PITPNC1: variants seen among roughly 807,000 people sequenced by gnomAD.
The protein encoded by PITPNC1 is phosphatidylinositol transfer protein cytoplasmic 1, also known as cytoplasmic phosphatidylinositol transfer protein 1.
PITPNC1 carries 18 observed loss-of-function variants against 44.7 expected under a neutral mutation model. That is an observed-to-expected ratio of 0.40 (90% CI 0.28 to 0.60). The LOEUF (loss-of-function observed/expected upper bound fraction) is 0.60, where lower values mean the gene tolerates loss of function less well. Ranked by LOEUF, PITPNC1 falls within the 20% of genes least tolerant of loss-of-function variation. The pLI is 0.39. For synonymous variants in PITPNC1, 141 were observed against 149.6 expected (o/e 0.94, Z 0.42); for missense variants, 290 against 418.4 (o/e 0.69, Z 2.68).
chr17:67,596,668 G>A (rs1056630866), intron 5 of PITPNC1, among the ~76,000 whole-genome samples: 2 of 152,104 alleles, frequency 1.3e-5, no homozygotes, highest in East Asian at 1.9e-4. Flanking sequence ...GAGCCACCAC[G>A]CCTGGCTTGA....
At chr17:67,531,370 C>G (rs191097490) in intron 1 of PITPNC1, among the ~76,000 whole-genome samples, 1 of 152,206 alleles carries the variant, frequency 6.6e-6, no homozygotes, top group African/African-American at 2.4e-5. Flanking sequence ...CATACGCTCA[C>G]GTTAAAAGCG....
At chr17:67,487,270 G>C (rs928984749) in intron 1 of PITPNC1, among the ~76,000 whole-genome samples, 2 of 152,006 alleles carry the variant, frequency 1.3e-5, no homozygotes, top group African/African-American at 4.8e-5. Flanking sequence ...TGCCTCCCAG[G>C]TTCAAGCAAT....
intron 1 of PITPNC1, among the ~76,000 whole-genome samples, chr17:67,388,855 G>A (rs969554033): frequency 6.6e-6 from 1 of 152,078 alleles, no homozygotes; most frequent in African/African-American, 2.4e-5. Flanking sequence ...CCTGACCTCC[G>A]GTGATCCACC....
chr17:67,626,142 C>T (rs147356171), intron 5 of PITPNC1, among the ~76,000 whole-genome samples: 7 of 151,996 alleles, frequency 4.6e-5, no homozygotes, highest in South Asian at 4.2e-4. Flanking sequence ...CACATCACCA[C>T]GCCCAACTAA....
chr17:67,492,770 T>C (rs1162383531), intron 1 of PITPNC1, among the ~76,000 whole-genome samples: 2 of 152,160 alleles, frequency 1.3e-5, no homozygotes, highest in African/African-American at 4.8e-5. Flanking sequence ...CGGTGCATCG[T>C]CTTCTGTGTC....
At chr17:67,506,032 T>G (rs549017398) in intron 1 of PITPNC1, among the ~76,000 whole-genome samples, 3 of 152,140 alleles carry the variant, frequency 2.0e-5, no homozygotes, top group African/African-American at 7.2e-5. Context: ...TTTCCTGCCC[T>G]CCTGGGCACT....
chr17:67,451,094 C>T (rs551402654), intron 1 of PITPNC1, among the ~76,000 whole-genome samples: 3 of 152,194 alleles, frequency 2.0e-5, no homozygotes, highest in East Asian at 3.9e-4. Context: ...TGCAGTGGCA[C>T]GATCTTGGCT....
intron 8 of PITPNC1, among the ~76,000 whole-genome samples, chr17:67,678,954 C>T (rs974008716): frequency 1.3e-5 from 2 of 152,238 alleles, no homozygotes; most frequent in Non-Finnish European, 2.9e-5. Context: ...GGACCTGCAA[C>T]GTCAGCATCC....
intron 1 of PITPNC1, among the ~76,000 whole-genome samples, chr17:67,403,546 C>T (rs1379834608): frequency 1.3e-5 from 2 of 152,268 alleles, no homozygotes; most frequent in East Asian, 1.9e-4. Flanking sequence ...GAAGGGAGAA[C>T]ACAGAGGGCC....
At chr17:67,560,664 G>T (rs182777766) in intron 4 of PITPNC1, among the ~76,000 whole-genome samples, 2 of 152,190 alleles carry the variant, frequency 1.3e-5, no homozygotes, top group Admixed American at 1.3e-4. Context: ...TTAGTGCCTG[G>T]TGAAGCAGGA....
chr17:67,579,796 C>T (rs1023895899), intron 5 of PITPNC1, among the ~76,000 whole-genome samples: 6 of 151,630 alleles, frequency 4.0e-5, no homozygotes, highest in African/African-American at 1.2e-4. Flanking sequence ...AAAAATTAGC[C>T]GGGCGTGGTG....
intron 4 of PITPNC1, among the ~76,000 whole-genome samples, chr17:67,556,560 GC>G (rs2040840651): frequency 1.3e-5 from 2 of 152,160 alleles, no homozygotes; most frequent in South Asian, 4.1e-4. Flanking sequence ...ACACTGATGG[GC>G]CAAGGGAAGG....
chr17:67,487,633 T>C (rs1165667038), intron 1 of PITPNC1, among the ~76,000 whole-genome samples: 2 of 152,222 alleles, frequency 1.3e-5, no homozygotes, highest in African/African-American at 2.4e-5. Context: ...TCTCAGGGAC[T>C]GTTAATTTGT....
chr17:67,506,782 T>C lies in PITPNC1; in HGVS notation c.49-26020T>C, dbSNP rs142243779. Among the ~76,000 whole-genome samples, 422 of 152,298 alleles carry C rather than the reference T, an allele frequency of 2.8e-3. 1 individual carries two copies. The highest frequency in any genetic ancestry group is 5.1e-3 in the Non-Finnish European group (346 of 68,026). On this transcript the variant is annotated intron_variant, in intron 1 of 8. Transcript: ENST00000581322. ...ATAATTTTTGAAGAATATTTAAAGA[T>C]ATGGGAAATGCTGATAATATATTCA...
At chr17:67,660,256 TC>T (rs1567763895) in intron 6 of PITPNC1, among the ~76,000 whole-genome samples, 1 of 152,210 alleles carries the variant, frequency 6.6e-6, no homozygotes, top group East Asian at 1.9e-4. Flanking sequence ...CTTTTTACTC[TC>T]AATGGCATGA....
chr17:67,583,141 C>G (rs779949330), intron 5 of PITPNC1, among the ~76,000 whole-genome samples: 6 of 152,214 alleles, frequency 3.9e-5, no homozygotes, highest in Admixed American at 3.9e-4. Context: ...AGAACACTCA[C>G]TTCCAGAACA....
chr17:67,643,318 G>A (rs557734602), intron 6 of PITPNC1, among the ~76,000 whole-genome samples: 7 of 152,178 alleles, frequency 4.6e-5, no homozygotes, highest in East Asian at 1.9e-4. Flanking sequence ...TCCGGGAGGC[G>A]GAGGTGGCAG....
intron 2 of PITPNC1, among the ~76,000 whole-genome samples, chr17:67,536,743 AC>A (rs563614042): frequency 1.0e-3 from 156 of 152,260 alleles, no homozygotes; most frequent in Middle Eastern, 3.4e-3. Context: ...TTTTCTAGCC[AC>A]CCTCGCAGCT....
At chr17:67,515,753 A>G (rs1290822698) in intron 1 of PITPNC1, among the ~76,000 whole-genome samples, 1 of 152,244 alleles carries the variant, frequency 6.6e-6, no homozygotes, top group African/African-American at 2.4e-5. Context: ...ATCTATATTC[A>G]GCACTTGTCC....
Sources: gnomAD v4.1 joint callset for allele counts (sites outside exome capture counted in the v4.1 genomes callset) on GRCh38, gnomAD v4.1.1 for gene constraint, MANE v1.5 for transcripts, NCBI Gene and HGNC (gene_info 2026-07-23, HGNC 2026-07-21) for gene names.